TBC1D22A: variants seen among roughly 807,000 people sequenced by gnomAD.
The protein encoded by TBC1D22A is putative GTPase activator.
TBC1D22A carries 38 observed loss-of-function variants against 60.2 expected under a neutral mutation model. The observed-to-expected ratio is 0.63, with a 90% confidence interval of 0.49 to 0.83. TBC1D22A has a LOEUF of 0.83. Among genes scored for constraint, TBC1D22A ranks in the 40% least tolerant of loss-of-function variants. The pLI, the probability that TBC1D22A is intolerant of heterozygous loss-of-function variation, is 0.00. For missense variants in TBC1D22A, 628 were observed against 701.0 expected, an observed-to-expected ratio of 0.90 and a Z score of 1.18; for synonymous variants, 302 against 281.7, an observed-to-expected ratio of 1.07 and a Z score of -0.72.
rs1341944148 is a variant in TBC1D22A, at chr22:46,837,740, A to G, written c.637+40120A>G. On this transcript the variant is annotated intron_variant, in intron 4 of 12. Coordinates refer to ENST00000337137, the MANE Select transcript of TBC1D22A (RefSeq NM_014346.5). ...TACAGCAAAAGTAGTTTTAAGAGGA[A>G]AGTTTATAGTGATAAGTGCCTTGTT... 3.3e-5 allele frequency among the ~76,000 whole-genome samples: 5 copies of G among 152,324 alleles called. 1 individual carries two copies. In the South Asian group the frequency reaches 8.3e-4, roughly 25 times the overall value.
chr22:46,893,767 T>C lies in TBC1D22A; in HGVS notation c.838-1017T>C, dbSNP rs144774331. Reference sequence around the variant, plus strand: ...ATAGAGTAGTGCTGCTTCTGCCTCCTCCTCTTCCTCCTCCTCCTCGGCAGC... The same window carrying C: ...ATAGAGTAGTGCTGCTTCTGCCTCCCCCTCTTCCTCCTCCTCCTCGGCAGC... On this transcript the variant is annotated intron_variant, in intron 6 of 12. Transcript: ENST00000337137. Among the ~76,000 whole-genome samples, 455 of 152,320 alleles carry C rather than the reference T, an allele frequency of 3.0e-3. 1 individual carries two copies. Among genetic ancestry groups the C allele is most frequent in the African/African-American group, 0.01 (434 of 41,560 alleles).
intron 7 of TBC1D22A, among the ~76,000 whole-genome samples, chr22:46,904,148 T>TACCTACCTACCTACCC (rs2069261732): frequency 8.2e-6 from 1 of 122,408 alleles, no homozygotes; most frequent in African/African-American, 3.1e-5. Flanking sequence ...TCTATCTACC[T>TACCTACCTACCTACCC]ACCTACCTAC....
chr22:47,156,089 C>A (rs1255420121), intron 12 of TBC1D22A, among the ~76,000 whole-genome samples: 1 of 152,182 alleles, frequency 6.6e-6, no homozygotes. Context: ...TTCCTGTCCT[C>A]CCAGATGGCT....
At chr22:47,010,838 A>G (rs1328830793) in intron 10 of TBC1D22A, among the ~76,000 whole-genome samples, 3 of 152,336 alleles carry the variant, frequency 2.0e-5, no homozygotes, top group Admixed American at 6.5e-5. Flanking sequence ...AACAACAACA[A>G]CAAATCAAAG....
intron 10 of TBC1D22A, among the ~76,000 whole-genome samples, chr22:47,020,863 A>G: frequency 6.8e-6 from 1 of 146,788 alleles, no homozygotes; most frequent in East Asian, 1.9e-4. Flanking sequence ...GGATTATATA[A>G]TAATCCTGTA....
intron 10 of TBC1D22A, among the ~76,000 whole-genome samples, chr22:47,036,223 G>A (rs1030258756): frequency 6.6e-6 from 1 of 152,150 alleles, no homozygotes; most frequent in African/African-American, 2.4e-5. Flanking sequence ...GCAATAATTA[G>A]TAATGATTAT....
At chr22:46,926,822 C>T (rs1016737712) in intron 8 of TBC1D22A, among the ~76,000 whole-genome samples, 3 of 152,032 alleles carry the variant, frequency 2.0e-5, no homozygotes, top group African/African-American at 7.2e-5. Flanking sequence ...ATTGTGTGAG[C>T]CAATTCCATA....
At chr22:46,965,420 C>T (rs879257854) in intron 8 of TBC1D22A, among the ~76,000 whole-genome samples, 1 of 152,218 alleles carries the variant, frequency 6.6e-6, no homozygotes, top group African/African-American at 2.4e-5. Flanking sequence ...TTCCGACGGC[C>T]CCCGTCTCGG....
chr22:46,894,666 G>T, intron 6 of TBC1D22A, 118 bp from the exon 7 acceptor site: 1 of 1,196,696 alleles, frequency 8.4e-7, no homozygotes, highest in Non-Finnish European at 1.2e-6. Flanking sequence ...AATCCTCAAG[G>T]AGAGAGCGGG....
At chr22:47,075,487 G>A (rs887145476) in intron 11 of TBC1D22A, among the ~76,000 whole-genome samples, 14 of 152,066 alleles carry the variant, frequency 9.2e-5, no homozygotes, top group African/African-American at 1.9e-4. Flanking sequence ...GTTCAAGACC[G>A]TCCTGGGCAT....
intron 10 of TBC1D22A, among the ~76,000 whole-genome samples, chr22:47,025,346 A>G (rs192422267): frequency 6.6e-6 from 1 of 152,372 alleles, no homozygotes; most frequent in East Asian, 1.9e-4. Flanking sequence ...ATTTTGGGCC[A>G]TTAAAAAAGT....
chr22:47,017,219 A>C (rs575527640), intron 10 of TBC1D22A, among the ~76,000 whole-genome samples: 1 of 152,138 alleles, frequency 6.6e-6, no homozygotes, highest in Non-Finnish European at 1.5e-5. Context: ...GCAGTAATAG[A>C]GTTGCTCTAG....
At chr22:46,984,396 A>C (rs1171813552) in intron 9 of TBC1D22A, among the ~76,000 whole-genome samples, 2 of 141,190 alleles carry the variant, frequency 1.4e-5, no homozygotes, top group African/African-American at 5.5e-5. Context: ...AAAAAAAAAA[A>C]AAAAAAAAAA....
intron 7 of TBC1D22A, among the ~76,000 whole-genome samples, chr22:46,895,214 G>A (rs891722183): frequency 2.0e-5 from 3 of 150,372 alleles, no homozygotes; most frequent in Admixed American, 1.3e-4. Flanking sequence ...CCCCACCCCT[G>A]TGCAACCCCC....
chr22:47,063,680 A>T (rs1368748684), intron 11 of TBC1D22A, among the ~76,000 whole-genome samples: 1 of 152,128 alleles, frequency 6.6e-6, no homozygotes, highest in Non-Finnish European at 1.5e-5. Flanking sequence ...CATGTGTCAC[A>T]CACTGAGGGC....
At chr22:46,919,293 G>T (rs2089830111) in intron 8 of TBC1D22A, among the ~76,000 whole-genome samples, 1 of 152,116 alleles carries the variant, frequency 6.6e-6, no homozygotes, top group African/African-American at 2.4e-5. Flanking sequence ...CTTCCACTTG[G>T]CATCATGCTT....
chr22:46,830,981 C>A (rs1330589426), intron 4 of TBC1D22A, among the ~76,000 whole-genome samples: 1 of 151,734 alleles, frequency 6.6e-6, no homozygotes. Context: ...TGTGAGGGAG[C>A]CTCAGGGTCC....
chr22:47,016,648 C>G (rs2061918725), intron 10 of TBC1D22A, among the ~76,000 whole-genome samples: 1 of 152,226 alleles, frequency 6.6e-6, no homozygotes, highest in Non-Finnish European at 1.5e-5. Context: ...TCCAGGAGCC[C>G]ACCAAGCTCC....
At chr22:46,972,488 T>A (rs2074107313) in intron 8 of TBC1D22A, among the ~76,000 whole-genome samples, 2 of 152,166 alleles carry the variant, frequency 1.3e-5, no homozygotes, top group Non-Finnish European at 2.9e-5. Context: ...TGACACGGGC[T>A]GCCGCATGGA....
Sources: gnomAD v4.1 joint callset for allele counts (sites outside exome capture counted in the v4.1 genomes callset) on GRCh38, gnomAD v4.1.1 for gene constraint, MANE v1.5 for transcripts, NCBI Gene and HGNC (gene_info 2026-07-23, HGNC 2026-07-21) for gene names.